The following CCSER1 variants were observed in gnomAD, a reference collection of about 807,000 sequenced individuals.
The protein encoded by CCSER1 is serine-rich coiled-coil domain-containing protein 1.
In CCSER1, 41 loss-of-function variants were observed where a neutral mutation model predicts 82.0. That is an observed-to-expected ratio of 0.50 (90% CI 0.39 to 0.65). The LOEUF is 0.65. CCSER1 is among the 30% of genes least tolerant of loss of function. The pLI, the probability that CCSER1 is intolerant of heterozygous loss-of-function variation, is 0.00. For missense variants in CCSER1, 1,119 were observed against 1,064.2 expected (o/e 1.05, Z -0.72); for synonymous variants, 414 against 383.9 (o/e 1.08, Z -0.92).
intron 6 of CCSER1, among the ~76,000 whole-genome samples, chr4:90,714,677 A>G (rs1326350285): frequency 1.3e-5 from 2 of 151,998 alleles, no homozygotes; most frequent in Non-Finnish European, 2.9e-5. Flanking sequence ...GTTCAAATAA[A>G]TATATGAACT....
At chr4:90,476,817 A>T (rs940994575) in intron 5 of CCSER1, among the ~76,000 whole-genome samples, 1 of 152,112 alleles carries the variant, frequency 6.6e-6, no homozygotes, top group Non-Finnish European at 1.5e-5. Flanking sequence ...AAGAAATCCT[A>T]TTGTAACGTT....
At chr4:90,560,272 C>T (rs1186506323) in intron 5 of CCSER1, among the ~76,000 whole-genome samples, 1 of 151,884 alleles carries the variant, frequency 6.6e-6, no homozygotes, top group South Asian at 2.1e-4. Context: ...CAAATATTCT[C>T]TAAGCCCAAA....
At chr4:91,455,092 A>G (rs1242867347) in intron 10 of CCSER1, among the ~76,000 whole-genome samples, 1 of 152,106 alleles carries the variant, frequency 6.6e-6, no homozygotes, top group African/African-American at 2.4e-5. Flanking sequence ...TATCTAGGTT[A>G]CTCACAAAAT....
At chr4:91,441,233 C>T (rs1578464151) in intron 10 of CCSER1, among the ~76,000 whole-genome samples, 2 of 151,666 alleles carry the variant, frequency 1.3e-5, no homozygotes, top group South Asian at 4.1e-4. Flanking sequence ...AAAATACTGG[C>T]AAACCGAATC....
intron 10 of CCSER1, among the ~76,000 whole-genome samples, chr4:91,419,506 A>T (rs1033161017): frequency 9.2e-5 from 14 of 152,086 alleles, no homozygotes; most frequent in Non-Finnish European, 1.8e-4. Context: ...TTTGAAGGAG[A>T]CAAAACATCT....
At chr4:90,393,142 A>G (rs1464680853) in intron 3 of CCSER1, among the ~76,000 whole-genome samples, 1 of 152,156 alleles carries the variant, frequency 6.6e-6, no homozygotes, top group African/African-American at 2.4e-5. Context: ...TTTGCAATTT[A>G]TAATTTATCT....
At chr4:91,058,542 T>C (rs960242779) in intron 9 of CCSER1, among the ~76,000 whole-genome samples, 3 of 152,074 alleles carry the variant, frequency 2.0e-5, no homozygotes, top group African/African-American at 7.2e-5. Context: ...GCATTTGTTT[T>C]TGGCCAGATT....
chr4:90,230,280 C>T (rs1394721203), intron 1 of CCSER1, among the ~76,000 whole-genome samples: 1 of 152,050 alleles, frequency 6.6e-6, no homozygotes, highest in African/African-American at 2.4e-5. Context: ...TCTCTCAGAC[C>T]ACAGTGCAAT....
chr4:90,305,061 C>T lies in CCSER1; in HGVS notation c.-41-3183C>T, dbSNP rs545224508. ...CCTCCCTAGTAGCTGGGACTACAGGCGCCCACCACCATGCCTGGATAATTT... is the reference window on the plus strand; with the variant it reads ...CCTCCCTAGTAGCTGGGACTACAGGTGCCCACCACCATGCCTGGATAATTT... On this transcript the variant is annotated intron_variant, in intron 1 of 10. Coordinates refer to ENST00000509176, the MANE Select transcript of CCSER1 (RefSeq NM_001145065.2). Among the ~76,000 whole-genome samples the T allele has an allele frequency of 2.5e-3, 385 of 151,984 alleles. 1 individual carries two copies. The highest frequency in any genetic ancestry group is 8.2e-3 in the African/African-American group (340 of 41,472).
chr4:90,847,743 C>T (rs1580759228), intron 8 of CCSER1, among the ~76,000 whole-genome samples: 1 of 152,226 alleles, frequency 6.6e-6, no homozygotes, highest in East Asian at 1.9e-4. Context: ...TAATTCAAAT[C>T]AAATACGCAC....
chr4:90,818,270 CTTTTTTTTCTTTTT>C (rs1375563553), intron 8 of CCSER1, among the ~76,000 whole-genome samples: 5 of 145,798 alleles, frequency 3.4e-5, no homozygotes, highest in South Asian at 2.2e-4. Flanking sequence ...TTTTTCTTTT[CTTTTTTTTCTTTTT>C]TTTTTTTTTT....
intron 6 of CCSER1, among the ~76,000 whole-genome samples, chr4:90,669,969 G>T (rs1732499455): frequency 6.6e-6 from 1 of 151,950 alleles, no homozygotes; most frequent in African/African-American, 2.4e-5. Flanking sequence ...TTATCTTAGA[G>T]CATGTAAACA....
chr4:91,216,252 C>T (rs1031271690), intron 10 of CCSER1, among the ~76,000 whole-genome samples: 4 of 152,140 alleles, frequency 2.6e-5, no homozygotes, highest in South Asian at 2.1e-4. Context: ...TATCACAGTG[C>T]GCATAAAATG....
intron 10 of CCSER1, among the ~76,000 whole-genome samples, chr4:91,199,160 T>C (rs1735700835): frequency 6.6e-6 from 1 of 152,140 alleles, no homozygotes. Context: ...CTCTAGCCTA[T>C]ATCACATGTT....
chr4:91,195,494 TC>T (rs1172745360), intron 10 of CCSER1, among the ~76,000 whole-genome samples: 1 of 152,132 alleles, frequency 6.6e-6, no homozygotes, highest in Non-Finnish European at 1.5e-5. Context: ...TACAGAACCT[TC>T]CTCAGGGTCT....
At chr4:90,351,777 T>A (rs187359307) in intron 3 of CCSER1, among the ~76,000 whole-genome samples, 7 of 152,194 alleles carry the variant, frequency 4.6e-5, no homozygotes, top group Non-Finnish European at 8.8e-5. Flanking sequence ...TTTTTGTTTT[T>A]TGTCTACTTT....
chr4:91,558,262 T>A (rs1270976405), intron 10 of CCSER1, among the ~76,000 whole-genome samples: 1 of 151,564 alleles, frequency 6.6e-6, no homozygotes, highest in East Asian at 1.9e-4. Flanking sequence ...TTGGTTCCCA[T>A]GTTATTTCCA....
At position 90,517,023 on chromosome 4, in the gene CCSER1, T is replaced by C. The variant is rs1251799147; in HGVS notation, c.1724+48669T>C. On this transcript the variant is annotated intron_variant, in intron 5 of 10. Transcript: ENST00000509176. The stretch of plus-strand genomic sequence containing the variant: ...GGGGTTACATCCCATAAAGCCACCA[T>C]AAATTGAAAGTATCCTAATTCGAAA... Among the ~76,000 whole-genome samples, 4 of 152,152 alleles carry C rather than the reference T, an allele frequency of 2.6e-5. No homozygotes were observed. The East Asian group carries it at 7.7e-4, about 29-fold the overall frequency.
At chr4:91,384,951 G>C (rs948320021) in intron 10 of CCSER1, among the ~76,000 whole-genome samples, 2 of 152,078 alleles carry the variant, frequency 1.3e-5, no homozygotes, top group Non-Finnish European at 2.9e-5. Flanking sequence ...TGGCAAGGCT[G>C]TGGGAAACAG....
Sources: allele counts gnomAD v4.1 joint callset (sites outside exome capture counted in the v4.1 genomes callset), GRCh38; gene constraint gnomAD v4.1.1; transcripts MANE v1.5; gene names NCBI Gene and HGNC (gene_info 2026-07-23, HGNC 2026-07-21).